CTNNA3: variants seen among roughly 807,000 people sequenced by gnomAD.
CTNNA3 encodes catenin alpha 3.
Under a neutral mutation model 95.7 loss-of-function variants are expected in CTNNA3, and 76 were observed. The ratio of observed to expected loss-of-function variants is 0.79; its 90% CI spans 0.66 to 0.96. The LOEUF is 0.96. Among genes scored for constraint, CTNNA3 ranks in the 40% least tolerant of loss-of-function variants. CTNNA3 has a pLI of 0.00. For missense variants in CTNNA3, 1,191 were observed against 1,089.8 expected (o/e 1.09, Z -1.31); for synonymous variants, 431 against 374.4 (o/e 1.15, Z -1.74).
intron 3 of CTNNA3, among the ~76,000 whole-genome samples, chr10:67,558,664 G>A (rs1453847042): frequency 3.9e-5 from 6 of 152,350 alleles, no homozygotes; most frequent in East Asian, 1.9e-4. Context: ...TGCACTGTGC[G>A]CGAGCCAAAG....
At chr10:66,775,376 T>C (rs1840252328) in intron 8 of CTNNA3, 68 bp downstream of exon 8, 3 of 1,022,000 alleles carry the variant, frequency 2.9e-6, no homozygotes. Context: ...GAAACAAATA[T>C]GCCTGCAATG....
At chr10:66,470,115 G>A (rs187682409) in intron 11 of CTNNA3, among the ~76,000 whole-genome samples, 7 of 151,932 alleles carry the variant, frequency 4.6e-5, no homozygotes, top group Admixed American at 2.6e-4. Flanking sequence ...CAGGACCAGA[G>A]TAAGCTGGAA....
intron 17 of CTNNA3, among the ~76,000 whole-genome samples, chr10:65,964,882 C>T (rs1412453803): frequency 6.6e-6 from 1 of 152,102 alleles, no homozygotes; most frequent in Non-Finnish European, 1.5e-5. Context: ...ACATATGCAT[C>T]TATACACACA....
intron 3 of CTNNA3, among the ~76,000 whole-genome samples, chr10:67,542,857 T>G (rs1381462979): frequency 2.0e-5 from 3 of 152,128 alleles, no homozygotes; most frequent in Non-Finnish European, 2.9e-5. Context: ...AAAATGGTTA[T>G]TTTCCTAATT....
At chr10:67,559,211 C>T (rs879670160) in intron 3 of CTNNA3, among the ~76,000 whole-genome samples, 1 of 152,222 alleles carries the variant, frequency 6.6e-6, no homozygotes, top group Non-Finnish European at 1.5e-5. Flanking sequence ...ACTCCTCACC[C>T]CCGAGCAGCC....
At chr10:67,642,438 C>T (rs1839569014) in intron 2 of CTNNA3, among the ~76,000 whole-genome samples, 1 of 152,146 alleles carries the variant, frequency 6.6e-6, no homozygotes, top group Non-Finnish European at 1.5e-5. Flanking sequence ...AGTTTATCAG[C>T]TGGGTGCGGT....
At chr10:66,614,352 G>A (rs1411816583) in intron 10 of CTNNA3, among the ~76,000 whole-genome samples, 1 of 152,006 alleles carries the variant, frequency 6.6e-6, no homozygotes, top group African/African-American at 2.4e-5. Flanking sequence ...CATTCACTCA[G>A]CAAAAATGTA....
intron 7 of CTNNA3, among the ~76,000 whole-genome samples, chr10:66,951,276 T>C (rs1011230142): frequency 4.6e-5 from 7 of 151,948 alleles, no homozygotes; most frequent in Admixed American, 2.0e-4. Flanking sequence ...CCACCACCCC[T>C]GGCCAATTTT....
intron 11 of CTNNA3, among the ~76,000 whole-genome samples, chr10:66,495,585 A>T (rs767210603): frequency 1.1e-4 from 16 of 152,130 alleles, no homozygotes; most frequent in Non-Finnish European, 1.9e-4. Flanking sequence ...CGTAATTGGG[A>T]AGTTTAGCTA....
At position 66,922,979 on chromosome 10, in the gene CTNNA3, T is replaced by A. The variant is rs115137798; in HGVS notation, c.1048-147455A>T. Among the ~76,000 whole-genome samples, 134 of 152,290 alleles carry A rather than the reference T, an allele frequency of 8.8e-4. 1 individual carries two copies. Among genetic ancestry groups the A allele is most frequent in the African/African-American group, 2.7e-3 (113 of 41,558 alleles). ...AAAACAATCCAATTATACTTTTAGT[T>A]ATTTTTAAATGCACAATTAATTCAT... On this transcript the variant is annotated intron_variant, in intron 7 of 17. Coordinates refer to ENST00000433211, the MANE Select transcript of CTNNA3 (RefSeq NM_013266.4).
intron 1 of CTNNA3, among the ~76,000 whole-genome samples, chr10:67,719,679 T>A (rs1410427025): frequency 1.3e-5 from 2 of 152,142 alleles, no homozygotes; most frequent in African/African-American, 4.8e-5. Flanking sequence ...TTGTTATGAT[T>A]TCCATTCTTT....
chr10:67,015,148 T>C (rs2133053020), intron 7 of CTNNA3: 1 of 152,302 alleles, frequency 6.6e-6, no homozygotes, highest in South Asian at 2.1e-4. Flanking sequence ...GGAAATTAAC[T>C]GATACCTCTT....
At chr10:66,572,421 T>G (rs1283898097) in intron 10 of CTNNA3, among the ~76,000 whole-genome samples, 1 of 151,196 alleles carries the variant, frequency 6.6e-6, no homozygotes, top group African/African-American at 2.4e-5. Context: ...TAAGCAAACA[T>G]ATACACACAA....
At chr10:66,702,945 A>G (rs1848002892) in intron 9 of CTNNA3, among the ~76,000 whole-genome samples, 1 of 152,106 alleles carries the variant, frequency 6.6e-6, no homozygotes, top group African/African-American at 2.4e-5. Flanking sequence ...TATTATCACA[A>G]TCAACTTGAT....
intron 1 of CTNNA3, among the ~76,000 whole-genome samples, chr10:67,723,819 CAT>C (rs1367914439): frequency 3.3e-5 from 5 of 152,230 alleles, no homozygotes; most frequent in African/African-American, 1.2e-4. Context: ...CAGTCAGTGT[CAT>C]ACCCCACGTC....
chr10:66,511,967 T>C (rs1015377879), intron 11 of CTNNA3, among the ~76,000 whole-genome samples: 8 of 151,752 alleles, frequency 5.3e-5, no homozygotes, highest in African/African-American at 1.9e-4. Context: ...GAGGGTGAGG[T>C]GTTAAAGTTC....
chr10:67,046,531 C>T (rs1589656793), intron 7 of CTNNA3, among the ~76,000 whole-genome samples: 2 of 152,108 alleles, frequency 1.3e-5, no homozygotes, highest in South Asian at 2.1e-4. Context: ...GGAATCTATC[C>T]GTCTTTCATC....
At chr10:67,321,627 A>C (rs748127755) in intron 5 of CTNNA3, among the ~76,000 whole-genome samples, 1 of 152,084 alleles carries the variant, frequency 6.6e-6, no homozygotes, top group Non-Finnish European at 1.5e-5. Flanking sequence ...CCCTCTTCTT[A>C]CCTTATCCTA....
chr10:66,208,548 T>TA lies in CTNNA3; in HGVS notation c.1884+71921dup, dbSNP rs561689664. ...TCTATCATCTTCAGTGAATAGATTTTAAAAAAATAAACCTTTCCAAAATAG... is the reference window on the plus strand; with the variant it reads ...TCTATCATCTTCAGTGAATAGATTTTAAAAAAAATAAACCTTTCCAAAATAG... On this transcript the variant is annotated intron_variant, in intron 13 of 17. Coordinates refer to ENST00000433211, the MANE Select transcript of CTNNA3 (RefSeq NM_013266.4). Among the ~76,000 whole-genome samples the TA allele has an allele frequency of 2.4e-3, 369 of 152,004 alleles. 2 individuals carry two copies. The highest frequency in any genetic ancestry group is 8.6e-3 in the African/African-American group (354 of 41,394).
Sources: allele counts gnomAD v4.1 joint callset (sites outside exome capture counted in the v4.1 genomes callset), GRCh38; gene constraint gnomAD v4.1.1; transcripts MANE v1.5; gene names NCBI Gene and HGNC (gene_info 2026-07-23, HGNC 2026-07-21).